Variants in PBX3 observed in about 807,000 individuals in gnomAD.
PBX3 encodes the protein PBX homeobox 3.
A neutral mutation model predicts 48.5 loss-of-function variants in PBX3; 14 were observed. That is an observed-to-expected ratio of 0.29 (90% confidence interval 0.19 to 0.45). The LOEUF (loss-of-function observed/expected upper bound fraction) is 0.45. Among genes scored for constraint, PBX3 ranks in the 20% least tolerant of loss-of-function variants. PBX3 has a pLI of 1.00. For missense variants in PBX3, 386 were observed against 546.7 expected, an observed-to-expected ratio of 0.71 and a Z score of 2.93; for synonymous variants, 210 against 200.3, an observed-to-expected ratio of 1.05 and a Z score of -0.41.
intron 2 of PBX3, among the ~76,000 whole-genome samples, chr9:125,804,962 A>AC (rs1437326686): frequency 1.6e-5 from 1 of 62,382 alleles, no homozygotes; most frequent in African/African-American, 3.6e-5. Flanking sequence ...AAAAAAAAAA[A>AC]AAAAGAAGAA....
At chr9:125,956,151 G>A (rs1357977641) in intron 5 of PBX3, among the ~76,000 whole-genome samples, 2 of 152,206 alleles carry the variant, frequency 1.3e-5, no homozygotes, top group African/African-American at 4.8e-5. Context: ...CAACAGTTCT[G>A]TGAGGAAGAT....
chr9:125,891,528 A>T (rs1353051969), intron 2 of PBX3, among the ~76,000 whole-genome samples: 1 of 152,252 alleles, frequency 6.6e-6, no homozygotes, highest in African/African-American at 2.4e-5. Flanking sequence ...AAAAGATTGC[A>T]ATGTGATGTT....
chr9:125,828,933 A>G (rs1382407929), intron 2 of PBX3, among the ~76,000 whole-genome samples: 2 of 152,208 alleles, frequency 1.3e-5, no homozygotes, highest in Non-Finnish European at 1.5e-5. Flanking sequence ...CCCTTGATCA[A>G]TGAGAAAATG....
chr9:125,867,842 A>G (rs1270845716), intron 2 of PBX3, among the ~76,000 whole-genome samples: 1 of 151,650 alleles, frequency 6.6e-6, no homozygotes, highest in Non-Finnish European at 1.5e-5. Flanking sequence ...ATATACACAC[A>G]CACACATACA....
intron 2 of PBX3, among the ~76,000 whole-genome samples, chr9:125,766,670 A>G (rs1176667837): frequency 6.6e-6 from 1 of 152,120 alleles, no homozygotes; most frequent in African/African-American, 2.4e-5. Flanking sequence ...TATTTTGTTC[A>G]TTTTGACTCT....
intron 5 of PBX3, among the ~76,000 whole-genome samples, chr9:125,944,647 G>C (rs1449355736): frequency 1.3e-5 from 2 of 152,192 alleles, no homozygotes; most frequent in Non-Finnish European, 2.9e-5. Flanking sequence ...GTAGAACCTG[G>C]AGAAGGATGA....
In PBX3 at chr9:125,748,557, G is replaced by T. The variant is rs1227462791; in HGVS notation, c.208G>T (p.Ala70Ser). ...TCGTTATTTGTTTTTTAGGAAACAT[G>T]CCCTGAACTGTCACAGAATGAAACC... ...SLDEAQAKKH[A>S]LNCHRMKPAL... The change falls in exon 2 of 9, where the codon GCC becomes TCC. Residue 70 changes from alanine (A) to serine (S), a missense_variant. By Grantham distance (99) the Ala-to-Ser change is moderately conservative (BLOSUM62 1). Transcript: ENST00000373489. The T allele has an allele frequency of 6.2e-7, 1 of 1,613,728 alleles. No homozygotes were observed.
intron 1 of PBX3, chr9:125,748,116 C>T (rs1331797561): frequency 2.4e-5 from 11 of 456,840 alleles, no homozygotes; most frequent in African/African-American, 4.2e-5. Flanking sequence ...CGGGTGCGGA[C>T]GGCCAAGTTC....
chr9:125,808,133 C>T (rs1838181539), intron 2 of PBX3, among the ~76,000 whole-genome samples: 1 of 152,286 alleles, frequency 6.6e-6, no homozygotes, highest in South Asian at 2.1e-4. Flanking sequence ...AAAATCACTA[C>T]ATACATACAA....
At chr9:125,899,244 CATATGTATATATATTTATATATAAATAT>C (rs1564163111) in intron 2 of PBX3, among the ~76,000 whole-genome samples, 1 of 122,686 alleles carries the variant, frequency 8.2e-6, no homozygotes, top group African/African-American at 2.9e-5. Flanking sequence ...TATAAATATA[CATATGTATATATATTTATATATAAATAT>C]ACATATGTAT....
At chr9:125,839,154 T>C (rs1184675434) in intron 2 of PBX3, among the ~76,000 whole-genome samples, 1 of 152,200 alleles carries the variant, frequency 6.6e-6, no homozygotes, top group African/African-American at 2.4e-5. Flanking sequence ...TGGAGATAAT[T>C]ATAGTGGTTA....
intron 2 of PBX3, among the ~76,000 whole-genome samples, chr9:125,903,747 C>T (rs1031368224): frequency 2.6e-5 from 4 of 151,750 alleles, no homozygotes; most frequent in African/African-American, 9.7e-5. Flanking sequence ...CTTGAAAATA[C>T]AAAAATAAAA....
At chr9:125,864,569 A>G (rs1015840319) in intron 2 of PBX3, among the ~76,000 whole-genome samples, 3 of 152,118 alleles carry the variant, frequency 2.0e-5, no homozygotes, top group East Asian at 3.8e-4. Flanking sequence ...CTATCTGGGG[A>G]TGATGGGAAA....
At chr9:125,906,755 A>C (rs1393834995) in intron 2 of PBX3, among the ~76,000 whole-genome samples, 1 of 151,994 alleles carries the variant, frequency 6.6e-6, no homozygotes, top group African/African-American at 2.4e-5. Context: ...GGTACTATAG[A>C]TATATATCAT....
chr9:125,824,056 A>G (rs1838736851), intron 2 of PBX3, among the ~76,000 whole-genome samples: 1 of 151,332 alleles, frequency 6.6e-6, no homozygotes, highest in Non-Finnish European at 1.5e-5. Context: ...AGCCTGGGTG[A>G]CAGAGCAAGA....
intron 2 of PBX3, among the ~76,000 whole-genome samples, chr9:125,760,104 T>C (rs1229505431): frequency 1.3e-5 from 2 of 152,218 alleles, no homozygotes; most frequent in Non-Finnish European, 2.9e-5. Context: ...AGCAGTTTAT[T>C]TCACGCGGTT....
intron 5 of PBX3, among the ~76,000 whole-genome samples, chr9:125,959,873 A>G (rs1267940974): frequency 5.3e-5 from 8 of 152,216 alleles, no homozygotes; most frequent in Non-Finnish European, 7.3e-5. Context: ...ATATAGCTCA[A>G]TTACAGGTGC....
intron 2 of PBX3, among the ~76,000 whole-genome samples, chr9:125,871,752 T>TA (rs1400597511): frequency 1.1e-4 from 17 of 152,194 alleles, no homozygotes; most frequent in Non-Finnish European, 2.9e-5. Context: ...AGTTTTACTT[T>TA]AAAAAAGCTT....
chr9:125,755,345 T>G (rs912176745), intron 2 of PBX3, among the ~76,000 whole-genome samples: 4 of 152,140 alleles, frequency 2.6e-5, no homozygotes, highest in Admixed American at 2.0e-4. Context: ...AAACAGGCAT[T>G]ACAGATGCTG....
Sources: allele counts gnomAD v4.1 joint callset (sites outside exome capture counted in the v4.1 genomes callset), GRCh38; gene constraint gnomAD v4.1.1; transcripts MANE v1.5; gene names NCBI Gene and HGNC (gene_info 2026-07-23, HGNC 2026-07-21).